C16orf78: variants seen among roughly 807,000 people sequenced by gnomAD.
C16orf78 encodes uncharacterized protein C16orf78.
C16orf78 carries 19 observed loss-of-function variants against 27.3 expected under a neutral mutation model. The ratio of observed to expected loss-of-function variants is 0.70; its 90% CI spans 0.49 to 1.02. The LOEUF is 1.02. C16orf78 is among the 50% of genes least tolerant of loss of function. The probability of loss-of-function intolerance (pLI) is 0.00; values close to 1 mark genes in which losing one functional copy is unlikely to be tolerated. For missense variants in C16orf78, 339 were observed against 337.0 expected, an observed-to-expected ratio of 1.01 and a Z score of -0.05; for synonymous variants, 130 against 116.1, an observed-to-expected ratio of 1.12 and a Z score of -0.77.
chr16:49,383,663 A>T (rs1375700536), intron 3 of C16orf78, among the ~76,000 whole-genome samples: 1 of 152,204 alleles, frequency 6.6e-6, no homozygotes, highest in Non-Finnish European at 1.5e-5. Context: ...TGACTGCCAC[A>T]TTGGCCTTCC....
At chr16:49,378,427 G>C (rs1965246714) in intron 2 of C16orf78, 43 bp from the exon 3 acceptor site, 1 of 1,543,304 alleles carries the variant, frequency 6.5e-7, no homozygotes, top group African/African-American at 1.4e-5. Flanking sequence ...GGGCGAGCCA[G>C]GTCCTGTAAC....
chr16:49,377,774 A>G lies in C16orf78; in HGVS notation c.194A>G (p.Lys65Arg). ...KVVTVLKRNK[K>R]KEEKKGKGLM... ...GTGACAGTCCTTAAACGAAATAAGA[A>G]GAAGGAAGAGAAGAAAGGCAAAGGC... The change falls in exon 2 of 5, where the codon AAG (lysine) becomes AGG (arginine). Residue 65 changes from lysine to arginine, a missense_variant. By Grantham distance (26) the Lys-to-Arg change is conservative (BLOSUM62 2). Coordinates refer to ENST00000299191, the MANE Select transcript of C16orf78 (RefSeq NM_144602.4). The G allele has an allele frequency of 6.3e-7, 1 of 1,599,628 alleles. No homozygotes were observed.
intron 3 of C16orf78, among the ~76,000 whole-genome samples, chr16:49,390,864 AC>A (rs1965404348): frequency 6.6e-6 from 1 of 152,052 alleles, no homozygotes; most frequent in South Asian, 2.1e-4. Context: ...CTTCCCTGCA[AC>A]CCCGTGCTGC....
chr16:49,389,478 C>G (rs1438637929), intron 3 of C16orf78, among the ~76,000 whole-genome samples: 3 of 151,548 alleles, frequency 2.0e-5, no homozygotes, highest in African/African-American at 7.3e-5. Flanking sequence ...CACCTGTAAT[C>G]CCAGCTACTC....
At chr16:49,378,994 G>A (rs1278294479) in intron 3 of C16orf78, among the ~76,000 whole-genome samples, 2 of 152,270 alleles carry the variant, frequency 1.3e-5, no homozygotes, top group Non-Finnish European at 2.9e-5. Flanking sequence ...CCTGCCAGGG[G>A]TTGCTCACCT....
intron 3 of C16orf78, among the ~76,000 whole-genome samples, chr16:49,390,368 A>T (rs1191599887): frequency 6.6e-6 from 1 of 152,114 alleles, no homozygotes; most frequent in Non-Finnish European, 1.5e-5. Flanking sequence ...GATTACACAT[A>T]TTTAGAGTCC....
chr16:49,397,452 C>A (rs1332447960), intron 4 of C16orf78, among the ~76,000 whole-genome samples: 1 of 152,192 alleles, frequency 6.6e-6, no homozygotes, highest in Non-Finnish European at 1.5e-5. Context: ...ATCACAAAGT[C>A]CTGCTCTGCT....
intron 3 of C16orf78, among the ~76,000 whole-genome samples, chr16:49,384,174 C>A (rs1179180512): frequency 6.6e-6 from 1 of 152,018 alleles, no homozygotes; most frequent in East Asian, 1.9e-4. Flanking sequence ...CGTGGAGAAA[C>A]CCCATCTTTA....
At chr16:49,378,070 G>A (rs1044417517) in intron 2 of C16orf78, among the ~76,000 whole-genome samples, 8 of 152,052 alleles carry the variant, frequency 5.3e-5, no homozygotes, top group African/African-American at 9.7e-5. Context: ...TTCTTCACAC[G>A]TGTCACATCC....
At chr16:49,392,141 T>C (rs1353033667) in intron 3 of C16orf78, among the ~76,000 whole-genome samples, 1 of 152,088 alleles carries the variant, frequency 6.6e-6, no homozygotes, top group Non-Finnish European at 1.5e-5. Context: ...GTTGATGAAA[T>C]CTTACAAGCT....
intron 3 of C16orf78, among the ~76,000 whole-genome samples, chr16:49,383,214 C>A (rs1286626958): frequency 6.6e-6 from 1 of 152,204 alleles, no homozygotes; most frequent in Non-Finnish European, 1.5e-5. Context: ...AGATGTGGCA[C>A]CCAGGACCTA....
chr16:49,377,585 C>G (rs1305641594), intron 1 of C16orf78, 146 bp from the exon 2 acceptor site: 3 of 1,045,856 alleles, frequency 2.9e-6, no homozygotes, highest in Non-Finnish European at 4.1e-6. Context: ...AGCAGAGGAA[C>G]AGTGACGACA....
intron 3 of C16orf78, 94 bp from the exon 4 acceptor site, chr16:49,396,329 C>G (rs895684556): frequency 6.2e-5 from 88 of 1,409,130 alleles, no homozygotes; most frequent in Non-Finnish European, 8.0e-5. Context: ...GGTTTGAAGT[C>G]CATGCATTCC....
At chr16:49,387,769 C>G (rs948251804) in intron 3 of C16orf78, among the ~76,000 whole-genome samples, 1 of 152,114 alleles carries the variant, frequency 6.6e-6, no homozygotes, top group East Asian at 1.9e-4. Flanking sequence ...TCAGTTTCTT[C>G]CTGGTTCAGT....
intron 3 of C16orf78, among the ~76,000 whole-genome samples, chr16:49,385,801 G>A (rs1373208358): frequency 6.6e-6 from 1 of 151,628 alleles, no homozygotes; most frequent in East Asian, 1.9e-4. Context: ...GAGAAAAAAA[G>A]AAACAAAGAA....
chr16:49,393,629 G>C (rs1476635838), intron 3 of C16orf78, among the ~76,000 whole-genome samples: 2 of 151,918 alleles, frequency 1.3e-5, no homozygotes, highest in Non-Finnish European at 2.9e-5. Flanking sequence ...AAAACTAAAA[G>C]TAATAATTCT....
chr16:49,375,445 G>A (rs1487008971), intron 1 of C16orf78, among the ~76,000 whole-genome samples: 1 of 152,216 alleles, frequency 6.6e-6, no homozygotes, highest in African/African-American at 2.4e-5. Context: ...GGCAAAAGAG[G>A]AGCAGGCACT....
intron 1 of C16orf78, among the ~76,000 whole-genome samples, 173 bp from the exon 2 acceptor site, chr16:49,377,558 A>G (rs1321495403): frequency 6.6e-6 from 1 of 152,052 alleles, no homozygotes; most frequent in Non-Finnish European, 1.5e-5. Context: ...CGACATGTAT[A>G]CCAGGGCGCA....
intron 3 of C16orf78, among the ~76,000 whole-genome samples, chr16:49,382,374 C>A (rs1006706173): frequency 1.3e-5 from 2 of 151,572 alleles, no homozygotes; most frequent in Non-Finnish European, 2.9e-5. Context: ...AGTAACTAAC[C>A]TGCACAATGT....
Sources: allele counts gnomAD v4.1 joint callset (sites outside exome capture counted in the v4.1 genomes callset), GRCh38; gene constraint gnomAD v4.1.1; transcripts MANE v1.5; gene names NCBI Gene and HGNC (gene_info 2026-07-23, HGNC 2026-07-21).